The following LRBA variants were observed in gnomAD, a reference collection of about 807,000 sequenced individuals.
LRBA encodes the protein lipopolysaccharide-responsive and beige-like anchor protein.
LRBA carries 176 observed loss-of-function variants against 330.0 expected under a neutral mutation model. That is an observed-to-expected ratio of 0.53 (90% CI 0.47 to 0.60). LRBA has a LOEUF of 0.60. Ranked by LOEUF, LRBA falls within the 20% of genes least tolerant of loss-of-function variation. The pLI is 0.00. For missense variants in LRBA, 3,259 were observed against 3,444.8 expected (o/e 0.95, Z 1.35); for synonymous variants, 1,230 against 1,193.0 (o/e 1.03, Z -0.64).
At chr4:150,487,600 C>A (rs1758032526) in intron 42 of LRBA, 132 bp downstream of exon 42, 2 of 442,528 alleles carry the variant, frequency 4.5e-6, no homozygotes, top group African/African-American at 2.0e-5. Context: ...AAACATAAAA[C>A]AGAAAGTTAT....
intron 47 of LRBA, among the ~76,000 whole-genome samples, chr4:150,412,053 T>C (rs1427815501): frequency 1.3e-5 from 2 of 152,170 alleles, no homozygotes; most frequent in East Asian, 1.9e-4. Flanking sequence ...GTAAAATAAA[T>C]ATTTTGAATG....
chr4:150,495,352 CAA>C (rs1391338454), intron 40 of LRBA, among the ~76,000 whole-genome samples: 2 of 151,960 alleles, frequency 1.3e-5, no homozygotes, highest in Non-Finnish European at 2.9e-5. Flanking sequence ...TTAAACATGA[CAA>C]AGTCTAATGA....
At chr4:150,822,748 T>C (rs968752023) in intron 30 of LRBA, among the ~76,000 whole-genome samples, 1 of 152,040 alleles carries the variant, frequency 6.6e-6, no homozygotes, top group Non-Finnish European at 1.5e-5. Context: ...CAAGACACCG[T>C]CTCAAAAATA....
At chr4:150,784,595 C>A (rs539419446) in intron 34 of LRBA, among the ~76,000 whole-genome samples, 2 of 152,210 alleles carry the variant, frequency 1.3e-5, no homozygotes, top group Non-Finnish European at 2.9e-5. Context: ...CTATGCAAAT[C>A]AGACACCACC....
intron 47 of LRBA, among the ~76,000 whole-genome samples, chr4:150,369,614 A>G (rs1739966758): frequency 6.6e-6 from 1 of 152,154 alleles, no homozygotes; most frequent in Non-Finnish European, 1.5e-5. Flanking sequence ...CAAAATAATT[A>G]TAACAAAATG....
chr4:151,011,197 A>G (rs1441827094), intron 2 of LRBA, among the ~76,000 whole-genome samples: 1 of 151,906 alleles, frequency 6.6e-6, no homozygotes, highest in Non-Finnish European at 1.5e-5. Flanking sequence ...AAAAAAAAAA[A>G]AGAGAAAAAA....
At chr4:150,890,338 A>C (rs1729334680) in intron 17 of LRBA, among the ~76,000 whole-genome samples, 1 of 152,206 alleles carries the variant, frequency 6.6e-6, no homozygotes. Context: ...GCCTACCTAG[A>C]CTAATCTAGG....
chr4:150,648,553 C>A (rs1779417763), intron 37 of LRBA, among the ~76,000 whole-genome samples: 1 of 150,814 alleles, frequency 6.6e-6, no homozygotes, highest in Admixed American at 6.6e-5. Context: ...AAAAACATGC[C>A]CCCCCACCCC....
In LRBA at chr4:150,928,811, T is replaced by G. The variant is rs577142678; in HGVS notation, c.448+23A>C. The G allele has an allele frequency of 5.8e-6, 9 of 1,548,336 alleles. No individual in the cohort carries two copies. In the African/African-American group the frequency reaches 1.1e-4, roughly 19 times the overall value. ...ATCAAACTTTATTTCTTTGCATATATTGTACTATAGAAAAAATCATACCTG... is the reference window on the plus strand; with the variant it reads ...ATCAAACTTTATTTCTTTGCATATAGTGTACTATAGAAAAAATCATACCTG... On this transcript the variant is annotated intron_variant, in intron 3 of 56. Transcript: ENST00000651943.
chr4:150,725,724 C>T (rs1729582245), intron 36 of LRBA, among the ~76,000 whole-genome samples: 1 of 152,014 alleles, frequency 6.6e-6, no homozygotes, highest in Non-Finnish European at 1.5e-5. Flanking sequence ...TATAAATAAA[C>T]CAAGTAGAAA....
At chr4:150,369,281 A>G (rs572788273) in intron 47 of LRBA, among the ~76,000 whole-genome samples, 15 of 152,264 alleles carry the variant, frequency 9.9e-5, no homozygotes, top group Middle Eastern at 3.4e-3. Context: ...GCAAAATGTT[A>G]TCAAATAATC....
chr4:150,295,194 CTTTTTTTT>C (rs146893381), intron 53 of LRBA, among the ~76,000 whole-genome samples: 27 of 113,814 alleles, frequency 2.4e-4, no homozygotes, highest in Non-Finnish European at 3.2e-4. Context: ...ATTAAAATAG[CTTTTTTTT>C]TTTTTTTTTT....
At position 150,997,829 on chromosome 4, in the gene LRBA, G is replaced by C. The variant is rs550375773; in HGVS notation, c.216+16598C>G. Among the ~76,000 whole-genome samples the C allele has an allele frequency of 2.6e-5, 4 of 151,770 alleles. No homozygotes were observed. In the East Asian group the frequency reaches 7.8e-4, roughly 30 times the overall value. On this transcript the variant is annotated intron_variant, in intron 2 of 56. Transcript: ENST00000651943. Reference sequence around the variant, plus strand: ...AGCGATTCCCATGCCTGAGCCTCCCGAGTAGCTGGGATTACAGGCGCACAC... The same window carrying C: ...AGCGATTCCCATGCCTGAGCCTCCCCAGTAGCTGGGATTACAGGCGCACAC...
At chr4:150,865,759 A>G (rs530419328) in intron 22 of LRBA, among the ~76,000 whole-genome samples, 1 of 148,640 alleles carries the variant, frequency 6.7e-6, no homozygotes, top group African/African-American at 2.5e-5. Flanking sequence ...CTGTCTCACC[A>G]GGCTAGAGTA....
chr4:150,922,012 T>G (rs1011862132), intron 4 of LRBA, among the ~76,000 whole-genome samples: 1 of 151,974 alleles, frequency 6.6e-6, no homozygotes, highest in Non-Finnish European at 1.5e-5. Context: ...CGTAAGCCAC[T>G]GTGCCCGGCC....
chr4:151,003,207 C>T (rs1743595684), intron 2 of LRBA, among the ~76,000 whole-genome samples: 1 of 151,752 alleles, frequency 6.6e-6, no homozygotes, highest in Admixed American at 6.6e-5. Flanking sequence ...TCAGCCTAGC[C>T]AACATGGTGA....
intron 28 of LRBA, chr4:150,841,111 A>G: frequency 3.0e-6 from 1 of 328,522 alleles, no homozygotes; most frequent in Non-Finnish European, 5.5e-6. Context: ...TTTTCTCTAG[A>G]CATACCCATG....
In LRBA at chr4:150,865,717, CT is replaced by C. The variant is rs779221199; in HGVS notation, c.2766+1953del. 4.0e-3 allele frequency among the ~76,000 whole-genome samples: 535 copies of C among 134,482 alleles called. 1 individual carries two copies. Among genetic ancestry groups the C allele is most frequent in the Admixed American group, 4.4e-3 (58 of 13,236 alleles). The allele number at this position is 134,482 out of a possible 152,430, so 88.2% of individuals were successfully genotyped here. On this transcript the variant is annotated intron_variant, in intron 22 of 56. Coordinates refer to ENST00000651943, the MANE Select transcript of LRBA (RefSeq NM_001364905.1). ...TGTAATTAGGAAAGGGCAATATATT[CT>C]TTTTTTTTTTTTTTTTTAGATGGAG...
At chr4:150,746,395 T>A (rs1732726789) in intron 35 of LRBA, among the ~76,000 whole-genome samples, 1 of 152,192 alleles carries the variant, frequency 6.6e-6, no homozygotes, top group African/African-American at 2.4e-5. Context: ...TTTATCCAGT[T>A]ACTGAAGCTA....
Sources: gnomAD v4.1 joint callset for allele counts (sites outside exome capture counted in the v4.1 genomes callset) on GRCh38, gnomAD v4.1.1 for gene constraint, MANE v1.5 for transcripts, NCBI Gene and HGNC (gene_info 2026-07-23, HGNC 2026-07-21) for gene names.